COL1A2: variants seen among roughly 807,000 people sequenced by gnomAD.
COL1A2 encodes the protein collagen alpha-2(I) chain.
COL1A2 carries 49 observed loss-of-function variants against 174.3 expected under a neutral mutation model. The observed-to-expected ratio is 0.28, with a 90% confidence interval of 0.22 to 0.36. COL1A2 has a LOEUF of 0.36. Among genes scored for constraint, COL1A2 ranks in the 10% least tolerant of loss-of-function variants. The pLI, the probability that COL1A2 is intolerant of heterozygous loss-of-function variation, is 1.00. For synonymous variants in COL1A2, 655 were observed against 606.6 expected (o/e 1.08, Z -1.17); for missense variants, 1,438 against 1,822.7 (o/e 0.79, Z 3.84).
At chr7:94,415,187 A>G (rs764759690) in intron 29 of COL1A2, 39 bp from the exon 30 acceptor site, 1 of 1,587,298 alleles carries the variant, frequency 6.3e-7, no homozygotes, top group Non-Finnish European at 8.7e-7. Flanking sequence ...TTTAGAGATC[A>G]CACACAGATT....
chr7:94,415,391 A>G (rs1792019137), intron 30 of COL1A2, 121 bp downstream of exon 30: 2 of 870,804 alleles, frequency 2.3e-6, no homozygotes, highest in African/African-American at 1.7e-5. Flanking sequence ...CTATAGTCAA[A>G]TGTAATCTGT....
At chr7:94,413,192 C>CTT in intron 26 of COL1A2, 56 bp downstream of exon 26, 20 of 1,347,174 alleles carry the variant, frequency 1.5e-5, no homozygotes, top group Non-Finnish European at 1.9e-5. Context: ...AAGAACCACA[C>CTT]TTTTTTTTTT....
intron 11 of COL1A2, 124 bp downstream of exon 11, chr7:94,405,850 G>T: frequency 1.1e-6 from 1 of 873,950 alleles, no homozygotes. Flanking sequence ...CCAAAGGGAA[G>T]AAAGAGTTAA....
rs901650515 is a variant in COL1A2, at chr7:94,427,349, T to C, written c.3267+54T>C. 9.4e-6 allele frequency: 14 copies of C among 1,490,134 alleles called. No homozygotes were observed. In the Admixed American group the frequency reaches 2.3e-4, roughly 24 times the overall value. The allele number at this position is 1,490,134 out of a possible 1,614,324, so 92.3% of individuals were successfully genotyped here. A position where few individuals can be genotyped will look rare whatever the true frequency, so the allele number is the denominator to read the frequency against. ...AAGATCACGGACCTAAGGAATGTTT[T>C]CTTCAGACTAAACCAAGACAACTTT... is the stretch of plus-strand genomic sequence containing the variant. On this transcript the variant is annotated intron_variant, in intron 48 of 51. Transcript: ENST00000297268.
rs563063369 is a variant in COL1A2, at chr7:94,409,297, T to C, written c.793-25T>C. The C allele has an allele frequency of 1.9e-6, 3 of 1,599,266 alleles. No individual in the cohort carries two copies. In the East Asian group the frequency reaches 6.7e-5, roughly 36 times the overall value. Reference sequence around the variant, plus strand: ...GCTGTTTCATTATTTGCTGGTTAATTCCTTGGTTTAATTTCCTCTTTTAGG... The same window carrying C: ...GCTGTTTCATTATTTGCTGGTTAATCCCTTGGTTTAATTTCCTCTTTTAGG... On this transcript the variant is annotated intron_variant, in intron 16 of 51. Coordinates refer to ENST00000297268, the MANE Select transcript of COL1A2 (RefSeq NM_000089.4).
At chr7:94,405,844 AG>A in intron 11 of COL1A2, 118 bp downstream of exon 11, 1 of 900,480 alleles carries the variant, frequency 1.1e-6, no homozygotes, top group Non-Finnish European at 1.9e-6. Context: ...AGTTTGCCAA[AG>A]GGAAGAAAGA....
rs1791551150 is a variant in COL1A2 at position 94,394,918 on chromosome 7, C to T, written c.-114C>T. On this transcript the variant is annotated 5_prime_UTR_variant, in exon 1 of 52. Coordinates refer to ENST00000297268, the MANE Select transcript of COL1A2 (RefSeq NM_000089.4). ...TTAGCACCACGGCAGCAGGAGGTTT[C>T]GGCTAAGTTGGAGGTACTGGCCACG... 3.6e-6 allele frequency: 3 copies of T among 828,388 alleles called. No homozygotes were observed. The highest frequency in any genetic ancestry group is 1.7e-5 in the African/African-American group (1 of 59,922). 51.3% of individuals were successfully genotyped at this position (828,388 alleles called of 1,614,324 possible).
At chr7:94,425,295 C>A in intron 42 of COL1A2, 71 bp downstream of exon 42, 2 of 1,377,884 alleles carry the variant, frequency 1.5e-6, no homozygotes, top group Admixed American at 1.8e-5. Context: ...ATGTCCTGAG[C>A]TGAGGTTCTC....
chr7:94,424,688 T>A, intron 41 of COL1A2: 1 of 521,448 alleles, frequency 1.9e-6, no homozygotes, highest in Non-Finnish European at 3.5e-6. Flanking sequence ...CACTTAGGAA[T>A]GATACAATCT....
At position 94,407,659 on chromosome 7, in the gene COL1A2, G is replaced by C. The variant is rs576808678; in HGVS notation, c.595-188G>C. 4.6e-5 allele frequency among the ~76,000 whole-genome samples: 7 copies of C among 152,200 alleles called. No individual in the cohort carries two copies. In the South Asian group the frequency reaches 1.0e-3, roughly 23 times the overall value. On this transcript the variant is annotated intron_variant, in intron 12 of 51. Coordinates refer to ENST00000297268, the MANE Select transcript of COL1A2 (RefSeq NM_000089.4). ...AGAACCTGGATATGTGGTACTATCT[G>C]AATAAAAACTCATGTTAGCACATTT...
At chr7:94,420,065 A>G (rs1792124158) in intron 34 of COL1A2, among the ~76,000 whole-genome samples, 168 bp from the exon 35 acceptor site, 1 of 152,200 alleles carries the variant, frequency 6.6e-6, no homozygotes, top group Admixed American at 6.5e-5. Flanking sequence ...CAAAATGAAT[A>G]TAGCATTAAG....
chr7:94,412,152 C>T (rs1404163512), intron 24 of COL1A2, 31 bp downstream of exon 24: 20 of 1,588,006 alleles, frequency 1.3e-5, no homozygotes, highest in Non-Finnish European at 1.7e-5. Flanking sequence ...ATTATATTTT[C>T]AAGGACACTT....
At chr7:94,404,665 G>A (rs2115875432) in intron 7 of COL1A2, 28 bp from the exon 8 acceptor site, 1 of 1,614,130 alleles carries the variant, frequency 6.2e-7, no homozygotes, top group Non-Finnish European at 8.5e-7. Flanking sequence ...ATAAAGGCTT[G>A]GAGTATGACA....
chr7:94,395,089 G>A lies in COL1A2; in HGVS notation c.58G>A (p.Ala20Thr), dbSNP rs777426777. The A allele has an allele frequency of 9.3e-6, 15 of 1,614,014 alleles. No individual in the cohort carries two copies. The South Asian group carries it at 1.5e-4, about 17-fold the overall frequency. Reference sequence around the variant, plus strand: ...GCTGCTTGCAGTAACCTTATGCCTAGCAACATGCCAATGTAAGTGCCTTCA... The same window carrying A: ...GCTGCTTGCAGTAACCTTATGCCTAACAACATGCCAATGTAAGTGCCTTCA... ...LLLLAVTLCL[A>T]TCQSLQEETV... The change falls in exon 1 of 52, where the codon GCA becomes ACA. Residue 20 changes from alanine (A) to threonine (T), a missense_variant. Ala to Thr is a moderately conservative substitution (Grantham distance 58). Around this residue, in one of 3 missense-constraint regions of COL1A2, gnomAD observed 281 missense variants for 310.9 expected, o/e 0.90. Transcript: ENST00000297268.
intron 5 of COL1A2, 26 bp from the exon 6 acceptor site, chr7:94,401,541 A>G (rs1332135726): frequency 4.5e-6 from 5 of 1,114,746 alleles, no homozygotes; most frequent in African/African-American, 3.6e-5. Flanking sequence ...ATATATATAT[A>G]TAATTTTTTT....
Position 94,400,274 on chromosome 7 carries a change from C to A in COL1A2, c.211C>A (p.Pro71Thr), listed in dbSNP as rs775240284. 6 of 1,613,476 alleles carry A rather than the reference C, an allele frequency of 3.7e-6. No individual in the cohort carries two copies. The South Asian group carries it at 6.6e-5, about 18-fold the overall frequency. ...PPGPPGPPGP[P>T]GLGGNFAAQY... is the part of the protein sequence containing the mutation. ...TGGTCCACCTGGTCCTCCTGGCCCC[C>A]CTGGTCTCGGTGGGGTAAGGTGTCT... Residue 71 changes from proline to threonine, a missense_variant, in exon 5 of 52, where the codon CCT (proline) becomes ACT (threonine). Coordinates refer to ENST00000297268, the MANE Select transcript of COL1A2 (RefSeq NM_000089.4).
chr7:94,421,384 A>G, intron 38 of COL1A2: 1 of 436,316 alleles, frequency 2.3e-6, no homozygotes, highest in Non-Finnish European at 4.2e-6. Context: ...TTTGCAGGCA[A>G]TGCTATCACA....
rs556188554 is a variant in COL1A2, at chr7:94,406,515, A to C, written c.594+212A>C. ...TATTTATTAAAATTCAATATCTATT[A>C]AACAATTGAGATAAAAATAATATTA... On this transcript the variant is annotated intron_variant, in intron 12 of 51. Coordinates refer to ENST00000297268, the MANE Select transcript of COL1A2 (RefSeq NM_000089.4). 2.0e-5 allele frequency among the ~76,000 whole-genome samples: 3 copies of C among 152,320 alleles called. No individual in the cohort carries two copies. In the South Asian group the frequency reaches 6.2e-4, roughly 32 times the overall value.
rs1792046085 is a variant in COL1A2, at chr7:94,416,574, G to A, written c.1863+71G>A. 5 of 1,132,942 alleles carry A rather than the reference G, an allele frequency of 4.4e-6. No homozygotes were observed. In the South Asian group the frequency reaches 5.3e-5, roughly 12 times the overall value. 70.2% of individuals were successfully genotyped at this position (1,132,942 alleles called of 1,614,324 possible). Reference sequence around the variant, plus strand: ...TGGAATAAGTAGACCCTTTACAATAGAAAGATAATTGTTTTTCAGATTTTT... The same window carrying A: ...TGGAATAAGTAGACCCTTTACAATAAAAAGATAATTGTTTTTCAGATTTTT... On this transcript the variant is annotated intron_variant, in intron 31 of 51. Coordinates refer to ENST00000297268, the MANE Select transcript of COL1A2 (RefSeq NM_000089.4).
Sources: allele counts gnomAD v4.1 joint callset (sites outside exome capture counted in the v4.1 genomes callset), GRCh38; gene constraint gnomAD v4.1.1; regional missense constraint gnomAD v4.1.1; transcripts MANE v1.5; gene names NCBI Gene and HGNC (gene_info 2026-07-23, HGNC 2026-07-21).